The following HS6ST3 variants were observed in gnomAD, a reference collection of about 807,000 sequenced individuals.
The protein encoded by HS6ST3 is heparan-sulfate 6-O-sulfotransferase 3.
Under a neutral mutation model 36.7 loss-of-function variants are expected in HS6ST3, and 12 were observed. That is an observed-to-expected ratio of 0.33 (90% CI 0.21 to 0.53). HS6ST3 has a LOEUF of 0.53. Among genes scored for constraint, HS6ST3 ranks in the 20% least tolerant of loss-of-function variants. HS6ST3 has a pLI of 0.95. For synonymous variants in HS6ST3, 240 were observed against 257.5 expected, an observed-to-expected ratio of 0.93 and a Z score of 0.65; for missense variants, 584 against 640.9, an observed-to-expected ratio of 0.91 and a Z score of 0.96.
intron 1 of HS6ST3, among the ~76,000 whole-genome samples, chr13:96,409,812 C>T (rs1231010174): frequency 6.6e-6 from 1 of 151,864 alleles, no homozygotes; most frequent in African/African-American, 2.4e-5. Flanking sequence ...TGAAAATGAG[C>T]CACAAACAGA....
At chr13:96,276,674 T>C (rs2054750052) in intron 1 of HS6ST3, among the ~76,000 whole-genome samples, 1 of 152,216 alleles carries the variant, frequency 6.6e-6, no homozygotes, top group Non-Finnish European at 1.5e-5. Flanking sequence ...ATAATCTTTA[T>C]TAGCTAATCT....
intron 1 of HS6ST3, among the ~76,000 whole-genome samples, chr13:96,700,299 C>G (rs1361922281): frequency 5.9e-5 from 9 of 152,280 alleles, no homozygotes; most frequent in African/African-American, 1.9e-4. Context: ...CCTTATAAAA[C>G]TATCACATCT....
At chr13:96,677,890 A>G (rs1345148653) in intron 1 of HS6ST3, among the ~76,000 whole-genome samples, 1 of 152,158 alleles carries the variant, frequency 6.6e-6, no homozygotes, top group East Asian at 1.9e-4. Flanking sequence ...TAAATTAGAG[A>G]AATATTTTTA....
intron 1 of HS6ST3, among the ~76,000 whole-genome samples, chr13:96,118,109 T>G (rs546601847): frequency 6.6e-6 from 1 of 151,982 alleles, no homozygotes; most frequent in Non-Finnish European, 1.5e-5. Flanking sequence ...TGACCTCAAG[T>G]GATCCACCCA....
chr13:96,584,977 C>T (rs1168111916), intron 1 of HS6ST3, among the ~76,000 whole-genome samples: 2 of 152,126 alleles, frequency 1.3e-5, no homozygotes, highest in African/African-American at 4.8e-5. Flanking sequence ...TTAGGGTACT[C>T]TTAGCAGAGA....
chr13:96,219,067 T>C (rs1420101431), intron 1 of HS6ST3, among the ~76,000 whole-genome samples: 1 of 152,174 alleles, frequency 6.6e-6, no homozygotes, highest in Non-Finnish European at 1.5e-5. Context: ...CCAGTCCCTG[T>C]ACATTTTCCC....
intron 1 of HS6ST3, among the ~76,000 whole-genome samples, chr13:96,586,450 C>T (rs376290286): frequency 2.8e-4 from 43 of 152,162 alleles, no homozygotes; most frequent in African/African-American, 8.7e-4. Context: ...CATGCACCAC[C>T]GTGCCTGGCT....
intron 1 of HS6ST3, among the ~76,000 whole-genome samples, chr13:96,435,623 A>G (rs977146113): frequency 6.6e-6 from 1 of 152,204 alleles, no homozygotes; most frequent in Admixed American, 6.5e-5. Context: ...AGTACTAGGA[A>G]GCCCTCGCAT....
chr13:96,243,167 A>G (rs1325585296), intron 1 of HS6ST3, among the ~76,000 whole-genome samples: 1 of 152,236 alleles, frequency 6.6e-6, no homozygotes, highest in Non-Finnish European at 1.5e-5. Flanking sequence ...GAATTTACAC[A>G]TGTAGTACAT....
chr13:96,405,909 G>A (rs1359742434), intron 1 of HS6ST3, among the ~76,000 whole-genome samples: 2 of 152,118 alleles, frequency 1.3e-5, no homozygotes, highest in African/African-American at 4.8e-5. Context: ...CCCCTCCCCT[G>A]TCCCACAAGA....
intron 1 of HS6ST3, among the ~76,000 whole-genome samples, chr13:96,749,805 C>A (rs960827029): frequency 2.2e-4 from 34 of 152,030 alleles, no homozygotes; most frequent in Non-Finnish European, 1.5e-5. Flanking sequence ...TCCTTTCCTG[C>A]ATATCTTTAA....
At chr13:96,504,511 CAG>C (rs763044778) in intron 1 of HS6ST3, among the ~76,000 whole-genome samples, 43 of 151,564 alleles carry the variant, frequency 2.8e-4, no homozygotes, top group Non-Finnish European at 1.9e-4. Flanking sequence ...CATCGAGTAA[CAG>C]AGAGAGACAG....
intron 1 of HS6ST3, among the ~76,000 whole-genome samples, chr13:96,157,180 GC>G (rs1290659434): frequency 6.6e-6 from 1 of 152,172 alleles, no homozygotes; most frequent in African/African-American, 2.4e-5. Context: ...AGTATTTGCT[GC>G]CATTTAGTAA....
intron 1 of HS6ST3, among the ~76,000 whole-genome samples, chr13:96,207,096 AC>A (rs1393389678): frequency 6.6e-6 from 1 of 152,172 alleles, no homozygotes; most frequent in Non-Finnish European, 1.5e-5. Flanking sequence ...AGGAACTTAA[AC>A]AAATTTACAA....
chr13:96,305,782 C>T (rs1025729187), intron 1 of HS6ST3, among the ~76,000 whole-genome samples: 3 of 151,018 alleles, frequency 2.0e-5, no homozygotes, highest in Admixed American at 2.0e-4. Context: ...GGTTCAAGAT[C>T]AATTTGTTAC....
At chr13:96,113,388 C>T (rs1449812929) in intron 1 of HS6ST3, among the ~76,000 whole-genome samples, 1 of 152,052 alleles carries the variant, frequency 6.6e-6, no homozygotes, top group African/African-American at 2.4e-5. Context: ...CAGAGTATGA[C>T]AGGAAAGGAT....
At chr13:96,414,717 G>T (rs1362234568) in intron 1 of HS6ST3, among the ~76,000 whole-genome samples, 2 of 152,130 alleles carry the variant, frequency 1.3e-5, no homozygotes, top group Non-Finnish European at 2.9e-5. Context: ...TCTGACCTCA[G>T]GTGATCTGCC....
chr13:96,111,542 G>GA (rs768351958), intron 1 of HS6ST3, among the ~76,000 whole-genome samples: 112 of 151,554 alleles, frequency 7.4e-4, no homozygotes, highest in Non-Finnish European at 1.5e-3. Flanking sequence ...GTTTGTCTCA[G>GA]AAAAAAAAAT....
At chr13:96,799,428 A>G (rs1030717819) in intron 1 of HS6ST3, among the ~76,000 whole-genome samples, 2 of 152,118 alleles carry the variant, frequency 1.3e-5, no homozygotes, top group Non-Finnish European at 2.9e-5. Context: ...TGGCACACAT[A>G]CACCATGGAA....
Sources: gnomAD v4.1 joint callset for allele counts (sites outside exome capture counted in the v4.1 genomes callset) on GRCh38, gnomAD v4.1.1 for gene constraint, MANE v1.5 for transcripts, NCBI Gene and HGNC (gene_info 2026-07-23, HGNC 2026-07-21) for gene names.